The following CFAP47 variants were observed in gnomAD, a reference collection of about 807,000 sequenced individuals.
CFAP47 encodes the protein cilia- and flagella-associated protein 47.
Under a neutral mutation model 148.1 loss-of-function variants are expected in CFAP47, and 29 were observed. That is an observed-to-expected ratio of 0.20 (90% confidence interval 0.15 to 0.27). The LOEUF is 0.27. CFAP47 is among the 10% of genes least tolerant of loss of function. The pLI is 1.00. For synonymous variants in CFAP47, 664 were observed against 577.3 expected (o/e 1.15, Z -2.15); for missense variants, 1,872 against 1,697.5 (o/e 1.10, Z -1.81).
At chrX:36,360,404 G>C (rs4075119) in intron 60 of CFAP47, among the ~76,000 whole-genome samples, 13,264 of 111,191 alleles carry the variant, frequency 0.12, 1,157 homozygotes, top group African/African-American at 0.3. Context: ...TGTCTACAAG[G>C]ACAGGCCTGG....
At chrX:35,939,920 A>AC (rs1469167827) in intron 2 of CFAP47, among the ~76,000 whole-genome samples, 3 of 101,235 alleles carry the variant, frequency 3.0e-5, no homozygotes, top group African/African-American at 7.2e-5. Context: ...AACAGTGTAA[A>AC]AGTGTTCCTA....
intron 33 of CFAP47, among the ~76,000 whole-genome samples, chrX:36,130,100 C>T (rs1938919063): frequency 9.0e-6 from 1 of 110,874 alleles, no homozygotes; most frequent in Admixed American, 9.6e-5. Context: ...AGCTTCTGCA[C>T]AGTAATGGAT....
intron 44 of CFAP47, among the ~76,000 whole-genome samples, chrX:36,203,505 C>T (rs782664448): frequency 3.6e-5 from 4 of 111,504 alleles, no homozygotes; most frequent in Admixed American, 9.6e-5. Context: ...TTCCTTGGAA[C>T]GCAGCATATG....
At chrX:36,055,282 C>A (rs1280945192) in intron 26 of CFAP47, among the ~76,000 whole-genome samples, 1 of 110,386 alleles carries the variant, frequency 9.1e-6, no homozygotes, top group Non-Finnish European at 1.9e-5. Flanking sequence ...GGTATTAAGC[C>A]CATTATCCAT....
chrX:36,067,226 G>T (rs1189165525), intron 27 of CFAP47, among the ~76,000 whole-genome samples: 1 of 111,278 alleles, frequency 9.0e-6, no homozygotes, highest in East Asian at 2.8e-4. Flanking sequence ...TATACCTCTA[G>T]CCTTGTTTCC....
At chrX:36,136,522 A>T (rs188581235) in intron 33 of CFAP47, among the ~76,000 whole-genome samples, 26 of 111,027 alleles carry the variant, frequency 2.3e-4, no homozygotes, top group Non-Finnish European at 3.4e-4. Context: ...GCTTTTATTG[A>T]TAGCTATGGG....
intron 30 of CFAP47, among the ~76,000 whole-genome samples, chrX:36,098,157 T>A (rs1012094530): frequency 7.1e-5 from 8 of 112,374 alleles, no homozygotes; most frequent in Middle Eastern, 9.3e-3. Context: ...TTGATTTTTT[T>A]AAATTATTTT....
chrX:36,021,675 A>AC (rs1937160887), intron 22 of CFAP47, among the ~76,000 whole-genome samples: 2 of 39,388 alleles, frequency 5.1e-5, no homozygotes, highest in Non-Finnish European at 9.6e-5. Context: ...CTTTCCCCCC[A>AC]CCCCCCGACA....
chrX:35,946,468 T>C (rs1936086937), intron 3 of CFAP47, among the ~76,000 whole-genome samples: 1 of 111,582 alleles, frequency 9.0e-6, no homozygotes, highest in Non-Finnish European at 1.9e-5. Flanking sequence ...TTTATATACC[T>C]TTTTTTCTTA....
intron 26 of CFAP47, among the ~76,000 whole-genome samples, chrX:36,053,096 A>G (rs778072553): frequency 8.9e-6 from 1 of 111,923 alleles, no homozygotes; most frequent in Non-Finnish European, 1.9e-5. Flanking sequence ...TTTTTGGGAT[A>G]TTTGATATTG....
At chrX:35,976,307 C>T (rs978653491) in intron 15 of CFAP47, among the ~76,000 whole-genome samples, 2 of 111,012 alleles carry the variant, frequency 1.8e-5, no homozygotes, top group Non-Finnish European at 3.8e-5. Flanking sequence ...ATTCTGGAGG[C>T]AGAATTTATT....
chrX:36,171,690 G>A (rs1282726968), intron 39 of CFAP47, among the ~76,000 whole-genome samples: 2 of 111,630 alleles, frequency 1.8e-5, no homozygotes, highest in Non-Finnish European at 3.8e-5. Flanking sequence ...ATACTGTTTT[G>A]GTTACTGTAG....
At chrX:36,353,373 ATG>A (rs1469384484) in intron 59 of CFAP47, among the ~76,000 whole-genome samples, 154 bp from the exon 60 acceptor site, 2 of 111,406 alleles carry the variant, frequency 1.8e-5, no homozygotes, top group Non-Finnish European at 3.8e-5. Context: ...TATTGCATGA[ATG>A]TGTGTGTGTA....
intron 60 of CFAP47, among the ~76,000 whole-genome samples, chrX:36,356,779 A>T (rs781909653): frequency 9.9e-5 from 11 of 111,617 alleles, no homozygotes; most frequent in Non-Finnish European, 1.7e-4. Context: ...GTGGAAATTA[A>T]AGCACTACAC....
chrX:36,125,285 A>G (rs980523754), intron 33 of CFAP47, among the ~76,000 whole-genome samples: 17 of 111,674 alleles, frequency 1.5e-4, no homozygotes, highest in African/African-American at 5.5e-4. Flanking sequence ...GTAGTAGTGA[A>G]CAACAGAGCC....
At chrX:36,375,353 T>C (rs189127273) in intron 62 of CFAP47, among the ~76,000 whole-genome samples, 3 of 112,335 alleles carry the variant, frequency 2.7e-5, no homozygotes, top group Non-Finnish European at 5.6e-5. Context: ...TCTCCTGTTA[T>C]AGATTCTCAG....
At chrX:36,177,305 G>A (rs1391761768) in intron 39 of CFAP47, among the ~76,000 whole-genome samples, 2 of 112,090 alleles carry the variant, frequency 1.8e-5, no homozygotes, top group African/African-American at 6.5e-5. Context: ...CGTTGGGCTA[G>A]TCATTTTATT....
intron 57 of CFAP47, among the ~76,000 whole-genome samples, chrX:36,341,515 A>G (rs189041166): frequency 1.6e-3 from 176 of 111,464 alleles, no homozygotes; most frequent in African/African-American, 5.4e-3. Flanking sequence ...AATTAGGGTT[A>G]TGTTCACTTT....
At chrX:36,209,517 G>C (rs782186631) in intron 45 of CFAP47, among the ~76,000 whole-genome samples, 1 of 110,520 alleles carries the variant, frequency 9.0e-6, no homozygotes, top group Non-Finnish European at 1.9e-5. Flanking sequence ...AAATTGGCAA[G>C]AGCAAGGAAA....
Sources: allele counts gnomAD v4.1 joint callset (sites outside exome capture counted in the v4.1 genomes callset), GRCh38; gene constraint gnomAD v4.1.1; transcripts MANE v1.5; gene names NCBI Gene and HGNC (gene_info 2026-07-23, HGNC 2026-07-21).